CLIP2: variants seen among roughly 807,000 people sequenced by gnomAD.
CLIP2 encodes the protein CAP-Gly domain containing linker protein 2, also known as CAP-Gly domain-containing linker protein 2.
In CLIP2, 41 loss-of-function variants were observed where a neutral mutation model predicts 111.7. That is an observed-to-expected ratio of 0.37 (90% CI 0.29 to 0.48). CLIP2 has a LOEUF of 0.48. CLIP2 is among the 20% of genes least tolerant of loss of function. The probability of loss-of-function intolerance (pLI) is 0.99; values close to 1 mark genes in which losing one functional copy is unlikely to be tolerated. For missense variants in CLIP2, 1,160 were observed against 1,422.1 expected (o/e 0.82, Z 2.96); for synonymous variants, 660 against 644.2 (o/e 1.02, Z -0.37).
At chr7:74,390,470 G>C (rs1554315713) in intron 13 of CLIP2, among the ~76,000 whole-genome samples, 1 of 152,026 alleles carries the variant, frequency 6.6e-6, no homozygotes, top group East Asian at 1.9e-4. Flanking sequence ...AGGACTTTGA[G>C]ACCAGCCTGG....
chr7:74,299,652 G>T (rs1788270664), intron 1 of CLIP2, among the ~76,000 whole-genome samples: 1 of 152,042 alleles, frequency 6.6e-6, no homozygotes, highest in East Asian at 1.9e-4. Flanking sequence ...GCAGGAGAAG[G>T]TGTGGGAGTG....
intron 3 of CLIP2, among the ~76,000 whole-genome samples, chr7:74,345,217 A>G (rs1410328814): frequency 6.6e-6 from 1 of 152,088 alleles, no homozygotes; most frequent in Non-Finnish European, 1.5e-5. Flanking sequence ...TTGGGGTGTC[A>G]AGAGAAATTA....
intron 13 of CLIP2, among the ~76,000 whole-genome samples, chr7:74,396,168 G>A (rs1174315730): frequency 2.0e-5 from 3 of 152,196 alleles, no homozygotes; most frequent in Non-Finnish European, 4.4e-5. Context: ...GACCCCAAAT[G>A]TGGCCTCAGA....
At chr7:74,356,666 G>C in intron 5 of CLIP2, 43 bp downstream of exon 5, 3 of 1,553,632 alleles carry the variant, frequency 1.9e-6, no homozygotes, top group Non-Finnish European at 2.6e-6. Context: ...GTGTGCGTTT[G>C]GGAGGGGTGA....
At chr7:74,317,896 C>T (rs1788832531) in intron 2 of CLIP2, among the ~76,000 whole-genome samples, 2 of 152,046 alleles carry the variant, frequency 1.3e-5, no homozygotes, top group Non-Finnish European at 2.9e-5. Context: ...GATTCACTAG[C>T]TGAAGAGGAA....
At chr7:74,307,617 A>G (rs1752905617) in intron 1 of CLIP2, among the ~76,000 whole-genome samples, 1 of 152,070 alleles carries the variant, frequency 6.6e-6, no homozygotes, top group East Asian at 1.9e-4. Flanking sequence ...CAGCCTCCCT[A>G]GTAGCTGGGA....
intron 4 of CLIP2, among the ~76,000 whole-genome samples, chr7:74,354,783 A>AAAATAAAT (rs142758995): frequency 2.6e-5 from 4 of 151,974 alleles, no homozygotes; most frequent in African/African-American, 9.7e-5. Context: ...AAAATAATAA[A>AAAATAAAT]AAATAAATAA....
At chr7:74,301,225 C>T (rs782395132) in intron 1 of CLIP2, among the ~76,000 whole-genome samples, 61 of 152,080 alleles carry the variant, frequency 4.0e-4, no homozygotes, top group Admixed American at 5.9e-4. Flanking sequence ...GCTTGTATGT[C>T]TTCTTTTGTG....
At position 74,376,452 on chromosome 7, in the gene CLIP2, C is replaced by T. The variant is rs1365879563; in HGVS notation, c.2051C>T (p.Ala684Val). The T allele has an allele frequency of 8.7e-6, 14 of 1,613,752 alleles. No individual in the cohort carries two copies. Among genetic ancestry groups the T allele is most frequent in the Non-Finnish European group, 1.2e-5 (14 of 1,179,994 alleles). The part of the protein sequence containing the change: ...ETAMHVKEKE[A>V]LREKLQEAQE... Reference sequence around the variant, plus strand: ...GCCATGCACGTGAAGGAGAAGGAGGCCCTGCGAGAGAAGCTGCAGGAGGCC... The same window carrying T: ...GCCATGCACGTGAAGGAGAAGGAGGTCCTGCGAGAGAAGCTGCAGGAGGCC... Residue 684 changes from alanine (A) to valine (V), a missense_variant, in exon 10 of 17, where the codon GCC becomes GTC. Physicochemically the swap from Ala to Val is moderately conservative, Grantham distance 64 (BLOSUM62 0). Coordinates refer to ENST00000223398, the MANE Select transcript of CLIP2 (RefSeq NM_003388.5). The surrounding 1 kb of genome is among the most constrained non-coding windows in gnomAD (Gnocchi z 7.1).
intron 14 of CLIP2, among the ~76,000 whole-genome samples, chr7:74,398,560 G>C (rs1791526758): frequency 6.6e-6 from 1 of 152,208 alleles, no homozygotes; most frequent in Non-Finnish European, 1.5e-5. Flanking sequence ...AGAGGTGATG[G>C]AAGGAGAGCA....
intron 7 of CLIP2, 112 bp downstream of exon 7, chr7:74,360,390 T>G (rs1790295176): frequency 1.4e-6 from 1 of 701,154 alleles, no homozygotes; most frequent in Non-Finnish European, 2.4e-6. Context: ...TGTCACTGCC[T>G]CTGGCTGTGT....
chr7:74,325,124 G>A (rs909028845), intron 2 of CLIP2, among the ~76,000 whole-genome samples: 3 of 152,212 alleles, frequency 2.0e-5, no homozygotes, highest in Non-Finnish European at 4.4e-5. Context: ...GCCTCCGGCA[G>A]AGGATCTGGC....
intron 3 of CLIP2, among the ~76,000 whole-genome samples, chr7:74,340,930 G>C (rs478762): frequency 0.61 from 92,880 of 151,816 alleles, 30,394 homozygotes; most frequent in Middle Eastern, 0.74. Flanking sequence ...AGGGCAGGGG[G>C]TCTGGGGACC....
Position 74,376,266 on chromosome 7 carries a change from C to T in CLIP2, c.1865C>T (p.Ser622Leu), listed in dbSNP as rs782246149. The stretch of plus-strand genomic sequence containing the variant: ...AAATCCAAGCTGGACTCGCTGGCCT[C>T]GGACCACCAGAAGTCCCTGGAGGAC... ...NWKSKLDSLA[S>L]DHQKSLEDLK... is the part of the protein sequence containing the mutation. Residue 622 changes from serine to leucine, a missense_variant, in exon 10 of 17, where the codon TCG becomes TTG. Around this residue, in one of 5 missense-constraint regions of CLIP2, gnomAD observed 676 missense variants for 777.8 expected, o/e 0.87. Coordinates refer to ENST00000223398, the MANE Select transcript of CLIP2 (RefSeq NM_003388.5). The surrounding 1 kb of genome is among the most constrained non-coding windows in gnomAD (Gnocchi z 7.1). The T allele has an allele frequency of 3.7e-6, 6 of 1,612,568 alleles. No individual in the cohort carries two copies. The highest frequency in any genetic ancestry group is 4.5e-5 in the East Asian group (2 of 44,846).
chr7:74,377,410 T>C (rs1387980844), intron 10 of CLIP2, among the ~76,000 whole-genome samples: 2 of 152,178 alleles, frequency 1.3e-5, no homozygotes, highest in East Asian at 3.9e-4. Flanking sequence ...CCAATGTCAA[T>C]TTTGCTCCAA....
chr7:74,394,370 C>A (rs1791387422), intron 13 of CLIP2, among the ~76,000 whole-genome samples: 1 of 151,540 alleles, frequency 6.6e-6, no homozygotes, highest in South Asian at 2.1e-4. Context: ...CCTGCCCCAG[C>A]TTCCCAAGTA....
At chr7:74,399,237 G>A (rs1362322928) in intron 14 of CLIP2, among the ~76,000 whole-genome samples, 1 of 150,508 alleles carries the variant, frequency 6.6e-6, no homozygotes, top group African/African-American at 2.4e-5. Context: ...GTTGGGTGGG[G>A]GCAGTGTAAG....
At chr7:74,294,528 C>T (rs1788117714) in intron 1 of CLIP2, among the ~76,000 whole-genome samples, 1 of 152,178 alleles carries the variant, frequency 6.6e-6, no homozygotes, top group Admixed American at 6.6e-5. Context: ...CATTTCCCTC[C>T]TTTGCCTTTT....
At chr7:74,354,062 C>A in intron 4 of CLIP2, 58 bp downstream of exon 4, 1 of 1,554,754 alleles carries the variant, frequency 6.4e-7, no homozygotes, top group South Asian at 1.2e-5. Flanking sequence ...AGGGTGGGCG[C>A]AGGGGATGGA....
Sources: allele counts gnomAD v4.1 joint callset (sites outside exome capture counted in the v4.1 genomes callset), GRCh38; gene constraint gnomAD v4.1.1; regional missense constraint gnomAD v4.1.1; non-coding constraint Gnocchi (gnomAD v3.1); transcripts MANE v1.5; gene names NCBI Gene and HGNC (gene_info 2026-07-23, HGNC 2026-07-21).